Variants in FUT9 observed in about 807,000 individuals in gnomAD.
FUT9 encodes the protein fucosyltransferase 9.
FUT9 carries 15 observed loss-of-function variants against 29.7 expected under a neutral mutation model. The observed-to-expected ratio is 0.51, with a 90% CI of 0.34 to 0.78. The LOEUF is 0.78. Ranked by LOEUF, FUT9 falls within the 30% of genes least tolerant of loss-of-function variation. The pLI is 0.01. For synonymous variants in FUT9, 169 were observed against 153.7 expected (o/e 1.10, Z -0.74); for missense variants, 319 against 425.4 (o/e 0.75, Z 2.20).
chr6:96,110,837 A>AT (rs34006405), intron 1 of FUT9, among the ~76,000 whole-genome samples: 1 of 151,378 alleles, frequency 6.6e-6, no homozygotes, highest in African/African-American at 2.4e-5. Context: ...TTATTTATTT[A>AT]TTTTTTGTAG....
intron 2 of FUT9, among the ~76,000 whole-genome samples, chr6:96,153,247 C>T (rs751717981): frequency 6.6e-6 from 1 of 152,162 alleles, no homozygotes; most frequent in Non-Finnish European, 1.5e-5. Context: ...AGAAATTGAA[C>T]AGCCTATCAG....
intron 1 of FUT9, among the ~76,000 whole-genome samples, chr6:96,064,752 C>T (rs945451779): frequency 2.6e-5 from 4 of 152,106 alleles, no homozygotes; most frequent in African/African-American, 9.7e-5. Flanking sequence ...CACACACATG[C>T]ATGCATGTGC....
intron 1 of FUT9, among the ~76,000 whole-genome samples, chr6:96,016,647 T>C (rs1354248002): frequency 6.6e-6 from 1 of 152,050 alleles, no homozygotes; most frequent in East Asian, 1.9e-4. Context: ...TGACCCACCT[T>C]CTCTCCTTTC....
At chr6:96,118,361 T>C (rs1771953887) in intron 2 of FUT9, among the ~76,000 whole-genome samples, 1 of 151,822 alleles carries the variant, frequency 6.6e-6, no homozygotes, top group African/African-American at 2.4e-5. Context: ...CTGCATAACA[T>C]TGCAGGCAAT....
At chr6:96,084,882 CTA>C (rs1771290658) in intron 1 of FUT9, among the ~76,000 whole-genome samples, 2 of 151,980 alleles carry the variant, frequency 1.3e-5, no homozygotes, top group Admixed American at 6.6e-5. Context: ...GCAAAATATA[CTA>C]TGTTTCGTGT....
At chr6:96,202,214 T>G (rs1317824353) in intron 2 of FUT9, among the ~76,000 whole-genome samples, 1 of 152,034 alleles carries the variant, frequency 6.6e-6, no homozygotes, top group Non-Finnish European at 1.5e-5. Flanking sequence ...AACACTTTTT[T>G]CTTTAAAAAA....
Position 96,208,608 on chromosome 6 carries a change from A to G in FUT9, c.*4373A>G, listed in dbSNP as rs540808434. 7.2e-5 allele frequency: 12 copies of G among 166,880 alleles called. No individual in the cohort carries two copies. Among genetic ancestry groups the G allele is most frequent in the African/African-American group, 2.6e-4 (11 of 41,538 alleles). 10.3% of individuals were successfully genotyped at this position (166,880 alleles called of 1,614,324 possible). ...TTTATATTTATTTTGTTAGTTTGTC[A>G]CCTGGATGCAAAAGGAAGGCATTTT... On this transcript the variant is annotated 3_prime_UTR_variant, in exon 3 of 3. Coordinates refer to ENST00000302103, the MANE Select transcript of FUT9 (RefSeq NM_006581.4).
intron 1 of FUT9, among the ~76,000 whole-genome samples, chr6:96,065,178 T>G (rs886685731): frequency 1.3e-5 from 2 of 152,136 alleles, no homozygotes; most frequent in Non-Finnish European, 2.9e-5. Flanking sequence ...GGCCAAATTA[T>G]AAAAATATTC....
At chr6:96,062,710 C>A (rs1259881412) in intron 1 of FUT9, among the ~76,000 whole-genome samples, 1 of 151,908 alleles carries the variant, frequency 6.6e-6, no homozygotes, top group Non-Finnish European at 1.5e-5. Context: ...TTCTTTATAC[C>A]TTTTTGTATG....
intron 2 of FUT9, among the ~76,000 whole-genome samples, chr6:96,141,136 A>T (rs1319118331): frequency 2.0e-5 from 3 of 152,220 alleles, no homozygotes; most frequent in Non-Finnish European, 4.4e-5. Flanking sequence ...GTGACAAGTT[A>T]TCTATAACAC....
At chr6:96,119,676 C>A (rs929309867) in intron 2 of FUT9, among the ~76,000 whole-genome samples, 3 of 152,154 alleles carry the variant, frequency 2.0e-5, no homozygotes, top group Admixed American at 6.5e-5. Context: ...CCATCCTTTC[C>A]TTTAATACCT....
intron 1 of FUT9, among the ~76,000 whole-genome samples, chr6:96,055,622 C>A (rs1770750013): frequency 6.7e-6 from 1 of 148,332 alleles, no homozygotes; most frequent in African/African-American, 2.5e-5. Flanking sequence ...CCGGTTGTTT[C>A]TTTATGGTGT....
chr6:96,078,636 G>C (rs1408187156), intron 1 of FUT9, among the ~76,000 whole-genome samples: 1 of 151,554 alleles, frequency 6.6e-6, no homozygotes, highest in Non-Finnish European at 1.5e-5. Context: ...TAGCCAGGAT[G>C]GTCTCTGTCT....
chr6:96,047,188 G>A (rs1270881408), intron 1 of FUT9, among the ~76,000 whole-genome samples: 2 of 152,148 alleles, frequency 1.3e-5, no homozygotes, highest in Non-Finnish European at 2.9e-5. Context: ...AAATGAAAAT[G>A]TTATGGAGAA....
intron 2 of FUT9, among the ~76,000 whole-genome samples, chr6:96,193,477 G>A (rs1375003160): frequency 1.3e-5 from 2 of 148,954 alleles, no homozygotes; most frequent in African/African-American, 2.5e-5. Flanking sequence ...GGCCATCAGA[G>A]AAATGCAAAT....
chr6:96,164,403 C>T (rs1345609999), intron 2 of FUT9, among the ~76,000 whole-genome samples: 3 of 151,936 alleles, frequency 2.0e-5, no homozygotes, highest in Non-Finnish European at 2.9e-5. Flanking sequence ...GGACTACAGG[C>T]GCCTGCCACC....
intron 1 of FUT9, among the ~76,000 whole-genome samples, chr6:96,075,052 G>C (rs1771121652): frequency 1.3e-5 from 2 of 152,052 alleles, no homozygotes; most frequent in Non-Finnish European, 2.9e-5. Flanking sequence ...CCAAAGCACT[G>C]GGATTACAGG....
At chr6:96,051,938 A>G (rs1030005243) in intron 1 of FUT9, among the ~76,000 whole-genome samples, 4 of 152,092 alleles carry the variant, frequency 2.6e-5, no homozygotes, top group Non-Finnish European at 5.9e-5. Context: ...AATCTTTGAG[A>G]ATTGTGGTTG....
intron 1 of FUT9, among the ~76,000 whole-genome samples, chr6:96,032,629 A>G (rs578167794): frequency 4.3e-4 from 65 of 151,728 alleles, no homozygotes; most frequent in African/African-American, 1.6e-3. Context: ...TGTTAAGAAT[A>G]CCTGCAGTAG....
Sources: allele counts gnomAD v4.1 joint callset (sites outside exome capture counted in the v4.1 genomes callset), GRCh38; gene constraint gnomAD v4.1.1; transcripts MANE v1.5; gene names NCBI Gene and HGNC (gene_info 2026-07-23, HGNC 2026-07-21).